The following DNM1 variants were observed in gnomAD, a reference collection of about 807,000 sequenced individuals.
DNM1 encodes dynamin-1.
Under a neutral mutation model 104.6 loss-of-function variants are expected in DNM1, and 29 were observed. That is an observed-to-expected ratio of 0.28 (90% CI 0.21 to 0.38). The LOEUF is 0.38. Among genes scored for constraint, DNM1 ranks in the 10% least tolerant of loss-of-function variants. DNM1 has a pLI of 1.00. For synonymous variants in DNM1, 445 were observed against 475.8 expected (o/e 0.94, Z 0.84); for missense variants, 640 against 1,189.4 (o/e 0.54, Z 6.79).
rs776283695 is a variant in DNM1 at position 128,220,738 on chromosome 9, C to CGTGTGTGTGTGTGTGTGT, written c.849+398_849+399insTGTGTGTGTGTGTGTGTG. Among the ~76,000 whole-genome samples the CGTGTGTGTGTGTGTGTGT allele has an allele frequency of 1.0e-5, 1 of 96,380 alleles. No individual in the cohort carries two copies. Among genetic ancestry groups the CGTGTGTGTGTGTGTGTGT allele is most frequent in the Non-Finnish European group, 1.9e-5 (1 of 52,418 alleles). 63.2% of individuals were successfully genotyped at this position (96,380 alleles called of 152,430 possible). A position where few individuals can be genotyped will look rare whatever the true frequency, so the allele number is the denominator to read the frequency against. On this transcript the variant is annotated intron_variant, in intron 6 of 21. Coordinates refer to ENST00000372923, the MANE Select transcript of DNM1 (RefSeq NM_004408.4). The surrounding 1 kb of genome is among the most constrained non-coding windows in gnomAD (Gnocchi z 5.2). ...CATCCAGAACTGAAGTGCGCGCGCG[C>CGTGTGTGTGTGTGTGTGT]GCGCGTGTGTGTGTGTGTGTGTGTG...
intron 19 of DNM1, among the ~76,000 whole-genome samples, chr9:128,249,443 A>G (rs796141369): frequency 7.2e-5 from 11 of 152,048 alleles, no homozygotes; most frequent in African/African-American, 2.7e-4. Context: ...GATCACCTGA[A>G]GTTGGGATTT....
chr9:128,234,385 CAG>C (rs1835882542), intron 11 of DNM1, among the ~76,000 whole-genome samples: 1 of 152,234 alleles, frequency 6.6e-6, no homozygotes. Flanking sequence ...TTTTTTGAGA[CAG>C]AGTCTTGCTC....
At chr9:128,241,967 C>G (rs921243834) in intron 14 of DNM1, among the ~76,000 whole-genome samples, 2 of 152,190 alleles carry the variant, frequency 1.3e-5, no homozygotes, top group African/African-American at 2.4e-5. Context: ...GGAGCTCATC[C>G]CCTACCCAGG....
intron 1 of DNM1, among the ~76,000 whole-genome samples, chr9:128,214,063 C>G (rs1027941147): frequency 2.6e-5 from 4 of 152,090 alleles, no homozygotes; most frequent in Admixed American, 6.5e-5. Flanking sequence ...CTGCCCACCC[C>G]CCTTGCCTTC....
In DNM1 at chr9:128,248,329, T is replaced by C. The variant is rs1459572844; in HGVS notation, c.1906-254T>C. The C allele has an allele frequency of 6.0e-6, 3 of 499,864 alleles. No homozygotes were observed. The highest frequency in any genetic ancestry group is 1.9e-5 in the African/African-American group (1 of 52,102). 31.0% of individuals were successfully genotyped at this position (499,864 alleles called of 1,614,324 possible). ...ACAAAGCAAGACTTTCTCAAAATAA[T>C]AATAATAATAATTTCTGGATTGGGA... On this transcript the variant is annotated intron_variant, in intron 18 of 21. Coordinates refer to ENST00000372923, the MANE Select transcript of DNM1 (RefSeq NM_004408.4). This position sits in a 1 kb window ranked among gnomAD's most constrained non-coding sequence, Gnocchi z 5.6.
intron 1 of DNM1, among the ~76,000 whole-genome samples, chr9:128,208,577 C>T (rs2131098646): frequency 6.6e-6 from 1 of 152,214 alleles, no homozygotes; most frequent in Non-Finnish European, 1.5e-5. Flanking sequence ...ATGAGACATC[C>T]TAGGCAGAGT....
chr9:128,233,428 G>A lies in DNM1; in HGVS notation c.1336-593G>A, dbSNP rs41276242. 3.7e-3 allele frequency: 571 copies of A among 153,736 alleles called. 3 individuals carry two copies. Among genetic ancestry groups the A allele is most frequent in the Non-Finnish European group, 5.3e-3 (366 of 69,002 alleles). The allele number at this position is 153,736 out of a possible 1,614,324, so 9.5% of individuals were successfully genotyped here. A position where few individuals can be genotyped will look rare whatever the true frequency, so the allele number is the denominator to read the frequency against. On this transcript the variant is annotated intron_variant, in intron 10 of 21. Transcript: ENST00000372923. ...TCGCATGCTTTTGCTTGTGTTTCCT[G>A]CATGTCCTCTGGTGTGACTGCTGGT... is the stretch of plus-strand genomic sequence containing the variant.
chr9:128,241,571 T>C (rs778502954), intron 14 of DNM1, among the ~76,000 whole-genome samples: 6 of 152,202 alleles, frequency 3.9e-5, no homozygotes, highest in Non-Finnish European at 5.9e-5. Context: ...TGCTGGGATG[T>C]ACTAGTGACC....
In DNM1 at chr9:128,251,118, C is replaced by T. The variant is rs1301845279; in HGVS notation, c.2534+178C>T. 6 of 653,408 alleles carry T rather than the reference C, an allele frequency of 9.2e-6. No individual in the cohort carries two copies. In the African/African-American group the frequency reaches 1.1e-4, roughly 12 times the overall value. 40.5% of individuals were successfully genotyped at this position (653,408 alleles called of 1,614,324 possible). Reference sequence around the variant, plus strand: ...GTGGCCGAGGGCTGGCGGAGCCTGCCCCCGAGGGAGCGCTGAGTCCCGGAG... The same window carrying T: ...GTGGCCGAGGGCTGGCGGAGCCTGCTCCCGAGGGAGCGCTGAGTCCCGGAG... On this transcript the variant is annotated intron_variant, in intron 21 of 21. Transcript: ENST00000372923.
At position 128,218,557 on chromosome 9, in the gene DNM1, C is replaced by G. The variant is rs750044365; in HGVS notation, c.236-25C>G. On this transcript the variant is annotated intron_variant, in intron 2 of 21. Transcript: ENST00000372923. This position sits in a 1 kb window ranked among gnomAD's most constrained non-coding sequence, Gnocchi z 4.8. ...GTTCCAGACCTTGATGCCTACTGCCCTTCCCCTGCCCGCTTCTGGAGCAGA... is the reference window on the plus strand; with the variant it reads ...GTTCCAGACCTTGATGCCTACTGCCGTTCCCCTGCCCGCTTCTGGAGCAGA... 3 of 1,598,478 alleles carry G rather than the reference C, an allele frequency of 1.9e-6. No individual in the cohort carries two copies. In the Admixed American group the frequency reaches 5.1e-5, roughly 27 times the overall value.
intron 15 of DNM1, 100 bp downstream of exon 15, chr9:128,242,445 G>T (rs1588432314): frequency 1.5e-6 from 1 of 665,400 alleles, no homozygotes; most frequent in East Asian, 2.8e-5. Flanking sequence ...ATGGAATAGG[G>T]TTTTAAAATG....
chr9:128,239,589 T>TGA (rs1836238479), intron 12 of DNM1, 74 bp downstream of exon 12: 2 of 1,186,542 alleles, frequency 1.7e-6, no homozygotes, highest in African/African-American at 3.1e-5. Flanking sequence ...TGTGTGTGTG[T>TGA]GTGTGTGTGT....
rs1230891741 is a variant in DNM1 at position 128,203,749 on chromosome 9, G to T, written c.161+118G>T. On this transcript the variant is annotated intron_variant, in intron 1 of 21. Transcript: ENST00000372923. The surrounding 1 kb of genome is among the most constrained non-coding windows in gnomAD (Gnocchi z 5.3). ...CCCCGACGCTGCACCCGCGGCCGGC[G>T]CGCCCCCCACCCCCAGCCGGAGCGA... The T allele has an allele frequency of 1.5e-4, 147 of 982,792 alleles. 1 individual carries two copies. In the South Asian group the frequency reaches 3.2e-3, roughly 22 times the overall value. 60.9% of individuals were successfully genotyped at this position (982,792 alleles called of 1,614,324 possible).
chr9:128,242,840 C>G (rs1187264675), intron 15 of DNM1, among the ~76,000 whole-genome samples: 1 of 152,102 alleles, frequency 6.6e-6, no homozygotes, highest in Non-Finnish European at 1.5e-5. Flanking sequence ...GAGGCACCCT[C>G]TCACCCAGGT....
intron 1 of DNM1, among the ~76,000 whole-genome samples, chr9:128,209,184 AG>A (rs1225211481): frequency 2.0e-5 from 3 of 152,288 alleles, no homozygotes; most frequent in Middle Eastern, 3.4e-3. Context: ...CCACATGTGG[AG>A]CACACCCCTG....
In DNM1 at chr9:128,254,425, C is replaced by T; in HGVS notation, c.2535-229C>T. The T allele has an allele frequency of 4.9e-6, 7 of 1,435,908 alleles. No individual in the cohort carries two copies. Among genetic ancestry groups the T allele is most frequent in the Non-Finnish European group, 6.4e-6 (7 of 1,102,144 alleles). 88.9% of individuals were successfully genotyped at this position (1,435,908 alleles called of 1,614,324 possible). On this transcript the variant is annotated intron_variant, in intron 21 of 21. Coordinates refer to ENST00000372923, the MANE Select transcript of DNM1 (RefSeq NM_004408.4). The surrounding 1 kb of genome is among the most constrained non-coding windows in gnomAD (Gnocchi z 6.1). ...TGTGGGGTGGGGAGGGCCGCCACAG[C>T]CCCCAGGCGCTATCTGTGAAGCTAC... is the stretch of plus-strand genomic sequence containing the variant.
Position 128,254,927 on chromosome 9 carries a change from T to G in DNM1, c.*213T>G. The G allele has an allele frequency of 1.9e-6, 1 of 537,542 alleles. No individual in the cohort carries two copies. Among genetic ancestry groups the G allele is most frequent in the South Asian group, 2.4e-5 (1 of 41,002 alleles). 33.3% of individuals were successfully genotyped at this position (537,542 alleles called of 1,614,324 possible). On this transcript the variant is annotated 3_prime_UTR_variant, in exon 22 of 22. Transcript: ENST00000372923. The surrounding 1 kb of genome is among the most constrained non-coding windows in gnomAD (Gnocchi z 6.1). ...CCTTGCCCTGTTCTATAAATATCTA[T>G]AAATACTCATATATATACACACCTA...
intron 15 of DNM1, chr9:128,244,906 C>G (rs1248807728): frequency 9.8e-6 from 4 of 406,282 alleles, no homozygotes; most frequent in Non-Finnish European, 2.1e-5. Flanking sequence ...AACCCCCCAA[C>G]CCCAGCCTGT....
intron 11 of DNM1, 44 bp from the exon 12 acceptor site, chr9:128,239,398 TTTG>T: frequency 6.7e-7 from 1 of 1,493,510 alleles, no homozygotes; most frequent in Non-Finnish European, 9.3e-7. Context: ...ATTTTAAAAC[TTTG>T]TGGTGTCTTT....
Sources: gnomAD v4.1 joint callset for allele counts (sites outside exome capture counted in the v4.1 genomes callset) on GRCh38, gnomAD v4.1.1 for gene constraint, Gnocchi (gnomAD v3.1) non-coding constraint, MANE v1.5 for transcripts, NCBI Gene and HGNC (gene_info 2026-07-23, HGNC 2026-07-21) for gene names.